Variants in TTC6 observed in about 807,000 individuals in gnomAD.
TTC6 encodes the protein tetratricopeptide repeat domain 6.
Under a neutral mutation model 210.4 loss-of-function variants are expected in TTC6, and 172 were observed. The observed-to-expected ratio is 0.82, with a 90% confidence interval of 0.72 to 0.93. TTC6 has a LOEUF of 0.93. Among genes scored for constraint, TTC6 ranks in the 40% least tolerant of loss-of-function variants. The probability of loss-of-function intolerance (pLI) is 0.00; values close to 1 mark genes in which losing one functional copy is unlikely to be tolerated. For synonymous variants in TTC6, 804 were observed against 819.6 expected (o/e 0.98, Z 0.32); for missense variants, 2,414 against 2,318.1 (o/e 1.04, Z -0.85).
At chr14:37,764,736 TC>T (rs1442930222) in intron 14 of TTC6, among the ~76,000 whole-genome samples, 1 of 152,112 alleles carries the variant, frequency 6.6e-6, no homozygotes, top group African/African-American at 2.4e-5. Flanking sequence ...CCCAATATCT[TC>T]CTTTAGATTA....
intron 30 of TTC6, 131 bp downstream of exon 32, chr14:37,841,801 A>C: frequency 2.6e-6 from 2 of 780,580 alleles, no homozygotes; most frequent in Non-Finnish European, 4.1e-6. Context: ...TTTAGATATC[A>C]TGTCCTTAAT....
At chr14:37,737,489 G>A (rs1213000353) in intron 8 of TTC6, among the ~76,000 whole-genome samples, 171 bp from the exon 11 acceptor site, 1 of 151,724 alleles carries the variant, frequency 6.6e-6, no homozygotes, top group Non-Finnish European at 1.5e-5. Flanking sequence ...TAGATTTTAA[G>A]TTCTCTTCCT....
At chr14:37,619,777 T>C (rs973131325), upstream of TTC6, among the ~76,000 whole-genome samples, 8 of 149,452 alleles carry the variant, frequency 5.4e-5, no homozygotes, top group African/African-American at 2.0e-4. Context: ...TGCTCCCTTG[T>C]CATTTATGTT....
intron 1 of TTC6, among the ~76,000 whole-genome samples, chr14:37,642,464 T>C (rs2095693757): frequency 6.6e-6 from 1 of 152,182 alleles, no homozygotes; most frequent in African/African-American, 2.4e-5. Flanking sequence ...TTAATATGAA[T>C]AAAAGATAAA....
chr14:37,804,659 C>T, intron 20 of TTC6, 21 bp from the exon 23 acceptor site: 1 of 1,604,678 alleles, frequency 6.2e-7, no homozygotes, highest in African/African-American at 1.3e-5. Context: ...TTGCCCCCTC[C>T]CTGCTTTTTT....
chr14:37,772,768 C>T (rs553269817), intron 14 of TTC6, among the ~76,000 whole-genome samples: 1 of 152,288 alleles, frequency 6.6e-6, no homozygotes, highest in East Asian at 1.9e-4. Flanking sequence ...CCGTCTTCTG[C>T]GTTGCTCACG....
At chr14:37,802,558 G>T (rs2096109287) in intron 20 of TTC6, among the ~76,000 whole-genome samples, 2 of 152,210 alleles carry the variant, frequency 1.3e-5, no homozygotes, top group African/African-American at 4.8e-5. Flanking sequence ...AGGACCCGGA[G>T]CAGAGGGCCC....
At chr14:37,646,809 C>G (rs928927229) in intron 1 of TTC6, among the ~76,000 whole-genome samples, 8 of 152,064 alleles carry the variant, frequency 5.3e-5, no homozygotes, top group Non-Finnish European at 7.4e-5. Flanking sequence ...GTTTTGGTGA[C>G]TAAACTATTC....
intron 14 of TTC6, among the ~76,000 whole-genome samples, chr14:37,756,283 G>A (rs895474427): frequency 2.6e-5 from 4 of 152,158 alleles, no homozygotes; most frequent in Non-Finnish European, 5.9e-5. Flanking sequence ...ATACAATCAT[G>A]TCGTCTGCAA....
At chr14:37,842,173 A>T in exon 31 of TTC6, 1 of 1,588,840 alleles carries the variant, frequency 6.3e-7, no homozygotes, top group Non-Finnish European at 8.5e-7. Flanking sequence ...TTGAAGCCTA[A>T]TGATGCTCTA....
At chr14:37,786,487 A>C (rs561948647) in intron 14 of TTC6, among the ~76,000 whole-genome samples, 1 of 152,312 alleles carries the variant, frequency 6.6e-6, no homozygotes, top group East Asian at 1.9e-4. Flanking sequence ...GCGCAGTATT[A>C]GGGTTGGAGT....
chr14:37,648,173 T>C (rs1308318825), intron 1 of TTC6, among the ~76,000 whole-genome samples: 1 of 152,218 alleles, frequency 6.6e-6, no homozygotes, highest in Non-Finnish European at 1.5e-5. Flanking sequence ...TGGTGTTTAA[T>C]GAAAGTGGTG....
intron 21 of TTC6, among the ~76,000 whole-genome samples, chr14:37,805,673 T>A (rs1443537405): frequency 6.6e-6 from 1 of 152,084 alleles, no homozygotes; most frequent in African/African-American, 2.4e-5. Context: ...ATTTTAGAGT[T>A]CTATTGTTCT....
chr14:37,624,842 CG>C (rs2095657536), intron 1 of TTC6, among the ~76,000 whole-genome samples: 1 of 152,020 alleles, frequency 6.6e-6, no homozygotes, highest in South Asian at 2.1e-4. Flanking sequence ...AGGATGGTCT[CG>C]ATCTCCTGAC....
At chr14:37,771,957 G>C (rs1238404886) in intron 14 of TTC6, among the ~76,000 whole-genome samples, 1 of 152,132 alleles carries the variant, frequency 6.6e-6, no homozygotes, top group Non-Finnish European at 1.5e-5. Flanking sequence ...GGTCTTTGAT[G>C]ATGGTGATGT....
chr14:37,727,410 C>T (rs2095875433), intron 7 of TTC6, among the ~76,000 whole-genome samples: 1 of 149,984 alleles, frequency 6.7e-6, no homozygotes, highest in Middle Eastern at 3.6e-3. Context: ...TCCCCTGCCT[C>T]AGCCTCCCGA....
chr14:37,818,859 G>A (rs1410986924), intron 26 of TTC6, among the ~76,000 whole-genome samples: 1 of 152,132 alleles, frequency 6.6e-6, no homozygotes, highest in African/African-American at 2.4e-5. Flanking sequence ...GATGACTGAT[G>A]TATTTGTTTT....
chr14:37,768,015 A>C (rs908613690), intron 14 of TTC6, among the ~76,000 whole-genome samples: 12 of 150,146 alleles, frequency 8.0e-5, no homozygotes, highest in African/African-American at 2.7e-4. Context: ...AGCTTTCTAC[A>C]TATGGCCAGC....
exon 1 of TTC6, chr14:37,622,364 C>G: frequency 2.0e-6 from 3 of 1,531,172 alleles, no homozygotes; most frequent in Non-Finnish European, 2.6e-6. Flanking sequence ...CGCCGCGTCC[C>G]TCGGGCCTGG....
Sources: allele counts gnomAD v4.1 joint callset (sites outside exome capture counted in the v4.1 genomes callset), GRCh38; gene constraint gnomAD v4.1.1; transcripts MANE v1.5; gene names NCBI Gene and HGNC (gene_info 2026-07-23, HGNC 2026-07-21).